STARD13: variants seen among roughly 807,000 people sequenced by gnomAD.
STARD13 encodes the protein StAR related lipid transfer domain containing 13.
In STARD13, 62 loss-of-function variants were observed where a neutral mutation model predicts 106.4. The observed-to-expected ratio is 0.58, with a 90% CI of 0.48 to 0.72. The LOEUF (loss-of-function observed/expected upper bound fraction) is 0.72, where lower values mean the gene tolerates loss of function less well. Among genes scored for constraint, STARD13 ranks in the 30% least tolerant of loss-of-function variants. The pLI is 0.00. For missense variants in STARD13, 1,387 were observed against 1,424.0 expected (o/e 0.97, Z 0.42); for synonymous variants, 565 against 553.0 (o/e 1.02, Z -0.31).
At position 33,130,062 on chromosome 13, in the gene STARD13, G is replaced by A; in HGVS notation, c.615C>T (p.Gly205=). ...VCSIHSESSG[G]SDSRSQPGQC... Reference sequence around the variant, plus strand: ...GGCCCGGCTGGCTGCGACTGTCGCTGCCTCCACTGCTTTCGCTGTGAATGG... The same window carrying A: ...GGCCCGGCTGGCTGCGACTGTCGCTACCTCCACTGCTTTCGCTGTGAATGG... The change falls in exon 5 of 14, where the codon GGC becomes GGT. Residue 205 remains glycine (G), a synonymous_variant. Transcript: ENST00000336934. The surrounding 1 kb of genome is among the most constrained non-coding windows in gnomAD (Gnocchi z 4.1). 1.9e-6 allele frequency: 3 copies of A among 1,613,800 alleles called. No individual in the cohort carries two copies. In the South Asian group the frequency reaches 3.3e-5, roughly 18 times the overall value.
At chr13:33,499,606 T>TTCTTC in the STARD13 span, among the ~76,000 whole-genome samples, 2 of 56,760 alleles carry the variant, frequency 3.5e-5, no homozygotes, top group Non-Finnish European at 6.8e-5. Context: ...TCTTCTTCTT[T>TTCTTC]CTTCTTCTTC....
chr13:33,208,501 A>G (rs915673348), intron 1 of STARD13, among the ~76,000 whole-genome samples: 9 of 152,272 alleles, frequency 5.9e-5, no homozygotes, highest in Middle Eastern at 3.4e-3. Context: ...CATATATGGG[A>G]TGGCCTTGGA....
At chr13:33,302,825 A>T (rs7328041) in intron 1 of STARD13, among the ~76,000 whole-genome samples, 69,966 of 152,054 alleles carry the variant, frequency 0.46, 17,365 homozygotes, top group Middle Eastern at 0.62. Context: ...TATAGCTCTC[A>T]GATTAATCTC....
At chr13:33,574,210 T>C in the STARD13 span, among the ~76,000 whole-genome samples, 3 of 152,166 alleles carry the variant, frequency 2.0e-5, no homozygotes, top group African/African-American at 7.2e-5. Flanking sequence ...TCAGAGTACA[T>C]CTTCAGTAGT....
chr13:33,560,164 T>A, the STARD13 span, among the ~76,000 whole-genome samples: 2 of 151,554 alleles, frequency 1.3e-5, no homozygotes, highest in Non-Finnish European at 2.9e-5. Context: ...TTTTTCCCTA[T>A]GGCTGTCCAC....
the STARD13 span, among the ~76,000 whole-genome samples, chr13:33,522,047 C>G: frequency 2.6e-4 from 40 of 152,028 alleles, no homozygotes; most frequent in African/African-American, 8.9e-4. Flanking sequence ...ATACTTTCTT[C>G]TTGGGCTGAG....
Position 33,130,600 on chromosome 13 carries a change from G to A in STARD13, c.388-311C>T, listed in dbSNP as rs1423931327. Reference sequence around the variant, plus strand: ...TTTTCCCTGACTGATTATAAAGAGGGTATAATTACATCAGACTAGACGGTC... The same window carrying A: ...TTTTCCCTGACTGATTATAAAGAGGATATAATTACATCAGACTAGACGGTC... On this transcript the variant is annotated intron_variant, in intron 4 of 13. Coordinates refer to ENST00000336934, the MANE Select transcript of STARD13 (RefSeq NM_178006.4). The surrounding 1 kb of genome is among the most constrained non-coding windows in gnomAD (Gnocchi z 4.1). Among the ~76,000 whole-genome samples the A allele has an allele frequency of 6.6e-6, 1 of 152,184 alleles. No homozygotes were observed. The highest frequency in any genetic ancestry group is 1.5e-5 in the Non-Finnish European group (1 of 68,044).
At chr13:33,252,519 A>G (rs1222997039) in intron 1 of STARD13, among the ~76,000 whole-genome samples, 2 of 151,904 alleles carry the variant, frequency 1.3e-5, no homozygotes, top group Non-Finnish European at 2.9e-5. Flanking sequence ...AGCTTTGAAC[A>G]GTTCTCACTT....
At chr13:33,468,011 A>G in the STARD13 span, among the ~76,000 whole-genome samples, 1 of 152,190 alleles carries the variant, frequency 6.6e-6, no homozygotes, top group Non-Finnish European at 1.5e-5. Flanking sequence ...TTGATGCATC[A>G]TCTTTTAGCA....
chr13:33,295,301 T>A (rs1892445721), intron 1 of STARD13, among the ~76,000 whole-genome samples: 1 of 152,230 alleles, frequency 6.6e-6, no homozygotes, highest in African/African-American at 2.4e-5. Flanking sequence ...TAGCAAAATA[T>A]CCCTCTAGAG....
At chr13:33,131,888 T>G (rs996586694) in intron 4 of STARD13, among the ~76,000 whole-genome samples, 1 of 152,148 alleles carries the variant, frequency 6.6e-6, no homozygotes, top group African/African-American at 2.4e-5. Flanking sequence ...ATAAAGAAGG[T>G]AGTGCATTCA....
At chr13:33,142,481 A>T in intron 3 of STARD13, 108 bp from the exon 4 acceptor site, 1 of 959,862 alleles carries the variant, frequency 1.0e-6, no homozygotes, top group Non-Finnish European at 1.6e-6. Flanking sequence ...AGGAACAACC[A>T]ATTATGTCCC....
intron 1 of STARD13, among the ~76,000 whole-genome samples, chr13:33,342,880 T>A (rs139410513): frequency 1.2e-3 from 181 of 152,370 alleles, no homozygotes; most frequent in Non-Finnish European, 2.0e-3. Context: ...CATATGGACA[T>A]ATTTATGTCC....
chr13:33,350,241 C>T (rs989842835), intron 1 of STARD13: 57 of 1,497,106 alleles, frequency 3.8e-5, no homozygotes, highest in East Asian at 1.3e-4. Context: ...GGCTACGGGG[C>T]CGGCGCCTCC....
chr13:33,274,906 G>A lies in STARD13; in HGVS notation c.169+10564C>T, dbSNP rs118056967. 7.6e-4 allele frequency among the ~76,000 whole-genome samples: 115 copies of A among 151,854 alleles called. No homozygotes were observed. The East Asian group carries it at 0.02, about 27-fold the overall frequency. On this transcript the variant is annotated intron_variant, in intron 1 of 13. Coordinates refer to ENST00000336934, the MANE Select transcript of STARD13 (RefSeq NM_178006.4). Reference sequence around the variant, plus strand: ...CGCTTACCCCCACCAAGAACCTCCCGGCCCTTCGGTTTAATGTGAGGCACA... The same window carrying A: ...CGCTTACCCCCACCAAGAACCTCCCAGCCCTTCGGTTTAATGTGAGGCACA...
rs1056400340 is a variant in STARD13, at chr13:33,147,440, C to T, written c.324-5067G>A. Among the ~76,000 whole-genome samples, 14 of 152,154 alleles carry T rather than the reference C, an allele frequency of 9.2e-5. 1 individual carries two copies. Among genetic ancestry groups the T allele is most frequent in the South Asian group, 6.2e-4 (3 of 4,830 alleles). On this transcript the variant is annotated intron_variant, in intron 3 of 13. Transcript: ENST00000336934. ...CCATATTGTAACATGCACAAAGAGC[C>T]GCTCAGCAAAGACTGAGGGATTGGT...
rs542646325 is a variant in STARD13, at chr13:33,142,508, C to G, written c.324-135G>C. 11 of 748,520 alleles carry G rather than the reference C, an allele frequency of 1.5e-5. No homozygotes were observed. In the East Asian group the frequency reaches 3.0e-4, roughly 20 times the overall value. The allele number at this position is 748,520 out of a possible 1,614,324, so 46.4% of individuals were successfully genotyped here. On this transcript the variant is annotated intron_variant, in intron 3 of 13. Transcript: ENST00000336934. Reference sequence around the variant, plus strand: ...TTATGTCCCAAGACAGTACTGCACCCACAGAAGGTATGCTATATAGTAGTT... The same window carrying G: ...TTATGTCCCAAGACAGTACTGCACCGACAGAAGGTATGCTATATAGTAGTT...
chr13:33,269,841 T>C (rs1024425196), intron 1 of STARD13, among the ~76,000 whole-genome samples: 1 of 152,194 alleles, frequency 6.6e-6, no homozygotes, highest in Non-Finnish European at 1.5e-5. Flanking sequence ...TGACCCTAAT[T>C]AATTATATAC....
the STARD13 span, among the ~76,000 whole-genome samples, chr13:33,412,437 G>A: frequency 6.6e-6 from 1 of 151,760 alleles, no homozygotes; most frequent in Non-Finnish European, 1.5e-5. Flanking sequence ...CAGAATAAAT[G>A]GAAAACAAAA....
Sources: gnomAD v4.1 joint callset for allele counts (sites outside exome capture counted in the v4.1 genomes callset) on GRCh38, gnomAD v4.1.1 for gene constraint, Gnocchi (gnomAD v3.1) non-coding constraint, MANE v1.5 for transcripts, NCBI Gene and HGNC (gene_info 2026-07-23, HGNC 2026-07-21) for gene names.